AGL: variants seen among roughly 807,000 people sequenced by gnomAD.
The protein encoded by AGL is amylo-alpha-1,6-glucosidase and 4-alpha-glucanotransferase.
A neutral mutation model predicts 199.3 loss-of-function variants in AGL; 128 were observed. That is an observed-to-expected ratio of 0.64 (90% CI 0.56 to 0.74). The LOEUF (loss-of-function observed/expected upper bound fraction) is 0.74, where lower values mean the gene tolerates loss of function less well. Among genes scored for constraint, AGL ranks in the 30% least tolerant of loss-of-function variants. The probability of loss-of-function intolerance (pLI) is 0.00; values close to 1 mark genes in which losing one functional copy is unlikely to be tolerated. For missense variants in AGL, 1,809 were observed against 1,820.8 expected, an observed-to-expected ratio of 0.99 and a Z score of 0.12; for synonymous variants, 584 against 594.7, an observed-to-expected ratio of 0.98 and a Z score of 0.26.
chr1:99,877,878 T>G, intron 12 of AGL, 50 bp downstream of exon 12: 1 of 1,567,306 alleles, frequency 6.4e-7, no homozygotes, highest in Non-Finnish European at 8.8e-7. Flanking sequence ...CAGTGTTCCT[T>G]CCTAGCTTTC....
intron 17 of AGL, among the ~76,000 whole-genome samples, chr1:99,883,650 A>G (rs915282281): frequency 2.0e-5 from 3 of 152,274 alleles, no homozygotes; most frequent in Middle Eastern, 3.4e-3. Flanking sequence ...GGAAACAGGC[A>G]TGTGTAGTGA....
intron 28 of AGL, among the ~76,000 whole-genome samples, chr1:99,911,759 A>T (rs1249767467): frequency 1.3e-5 from 2 of 152,064 alleles, no homozygotes; most frequent in African/African-American, 2.4e-5. Flanking sequence ...TCTAAATTTT[A>T]TCTTCAGTAA....
At chr1:99,856,373 TCCC>T (rs1649454568) in intron 2 of AGL, among the ~76,000 whole-genome samples, 1 of 124,530 alleles carries the variant, frequency 8.0e-6, no homozygotes, top group African/African-American at 2.8e-5. Flanking sequence ...CCTTCCTTCC[TCCC>T]TTCCTCCCTC....
intron 11 of AGL, 119 bp downstream of exon 11, chr1:99,876,716 A>G: frequency 1.6e-6 from 2 of 1,226,630 alleles, no homozygotes; most frequent in Non-Finnish European, 2.4e-6. Context: ...ATATTTCACC[A>G]TAAAGGTACC....
chr1:99,906,833 A>G (rs1199341508), intron 27 of AGL, among the ~76,000 whole-genome samples: 2 of 152,164 alleles, frequency 1.3e-5, no homozygotes, highest in Non-Finnish European at 2.9e-5. Context: ...TGCAGTTAAC[A>G]TGTGTATGCA....
intron 12 of AGL, among the ~76,000 whole-genome samples, chr1:99,878,305 A>G (rs964234621): frequency 4.6e-5 from 7 of 152,050 alleles, no homozygotes; most frequent in Non-Finnish European, 8.8e-5. Context: ...AGATCACACC[A>G]CTGCACTCCA....
intron 27 of AGL, among the ~76,000 whole-genome samples, chr1:99,907,180 G>T (rs1654351292): frequency 6.6e-6 from 1 of 152,074 alleles, no homozygotes; most frequent in Non-Finnish European, 1.5e-5. Flanking sequence ...GTCTATTGAA[G>T]CCCTTTGCCC....
At chr1:99,913,780 C>T (rs757709792) in intron 30 of AGL, 42 bp downstream of exon 30, 14 of 1,574,272 alleles carry the variant, frequency 8.9e-6, no homozygotes, top group South Asian at 4.4e-5. Context: ...AAATGATGTG[C>T]TAGAGTTTGC....
At chr1:99,884,037 A>T in intron 17 of AGL, 83 bp from the exon 18 acceptor site, 2 of 1,161,636 alleles carry the variant, frequency 1.7e-6, no homozygotes, top group Non-Finnish European at 2.5e-6. Flanking sequence ...ACTTTAAGTT[A>T]AATGATTTGA....
At chr1:99,855,109 G>A (rs1649308912) in intron 2 of AGL, among the ~76,000 whole-genome samples, 1 of 152,094 alleles carries the variant, frequency 6.6e-6, no homozygotes, top group Admixed American at 6.5e-5. Context: ...GCTGAGGCAG[G>A]AGAATTGCTT....
chr1:99,862,149 T>TA (rs750168315), intron 3 of AGL, 108 bp from the exon 4 acceptor site: 173 of 1,123,514 alleles, frequency 1.5e-4, no homozygotes, highest in Non-Finnish European at 2.2e-4. Context: ...TAGAAATAAA[T>TA]ACATTTTATT....
At chr1:99,904,566 T>C (rs948247962) in intron 27 of AGL, among the ~76,000 whole-genome samples, 1 of 152,070 alleles carries the variant, frequency 6.6e-6, no homozygotes, top group African/African-American at 2.4e-5. Context: ...ACAGAACTGG[T>C]CCATCACCAT....
rs1321104218 is a variant in AGL, at chr1:99,880,686, G to A, written c.1790G>A (p.Gly597Glu). 2.5e-6 allele frequency: 4 copies of A among 1,614,054 alleles called. No homozygotes were observed. In the South Asian group the frequency reaches 4.4e-5, roughly 18 times the overall value. Residue 597 changes from glycine (G) to glutamate (E), a missense_variant, in exon 14 of 34, where the codon GGA becomes GAA. Transcript: ENST00000361915. Reference protein sequence around the residue: ...HEEGRLVYRYGGEPVGSFVQP... With the variant: ...HEEGRLVYRYEGEPVGSFVQP... Reference sequence around the variant, plus strand: ...GAGGGCAGATTAGTTTACCGATATGGAGGAGAACCTGTTGGATCCTTTGTT... The same window carrying A: ...GAGGGCAGATTAGTTTACCGATATGAAGGAGAACCTGTTGGATCCTTTGTT...
intron 2 of AGL, chr1:99,861,285 C>A: frequency 1.4e-6 from 2 of 1,401,062 alleles, no homozygotes; most frequent in Admixed American, 2.9e-5. Flanking sequence ...AGAGACATTA[C>A]AGAGCAGACA....
chr1:99,891,381 CA>C, intron 22 of AGL, 25 bp downstream of exon 22: 2 of 1,612,210 alleles, frequency 1.2e-6, no homozygotes, highest in East Asian at 2.2e-5. Context: ...ATTATCGTCC[CA>C]AAAAATCAAG....
chr1:99,858,949 GA>G (rs1649802146), intron 2 of AGL, among the ~76,000 whole-genome samples: 1 of 151,940 alleles, frequency 6.6e-6, no homozygotes, highest in Non-Finnish European at 1.5e-5. Context: ...CTTAGCTTGG[GA>G]ATTATTGGGG....
At chr1:99,850,778 C>A in intron 1 of AGL, 197 bp from the exon 2 acceptor site, 1 of 449,436 alleles carries the variant, frequency 2.2e-6, no homozygotes, top group Admixed American at 3.7e-5. Context: ...ATTTTTATTT[C>A]GGTCTTATTC....
chr1:99,916,822 T>C, intron 33 of AGL, 91 bp downstream of exon 33: 1 of 1,391,128 alleles, frequency 7.2e-7, no homozygotes, highest in Non-Finnish European at 1.0e-6. Context: ...AATTGATTTC[T>C]GTATGCCCTA....
intron 2 of AGL, among the ~76,000 whole-genome samples, chr1:99,858,274 G>A (rs1478988365): frequency 1.3e-5 from 2 of 152,206 alleles, no homozygotes; most frequent in East Asian, 1.9e-4. Flanking sequence ...GCATTAGATA[G>A]TATGATACTT....
Sources: allele counts gnomAD v4.1 joint callset (sites outside exome capture counted in the v4.1 genomes callset), GRCh38; gene constraint gnomAD v4.1.1; transcripts MANE v1.5; gene names NCBI Gene and HGNC (gene_info 2026-07-23, HGNC 2026-07-21).